Variants in KCNC2 observed in about 807,000 individuals in gnomAD.
The protein encoded by KCNC2 is voltage-gated potassium channel KCNC2.
In KCNC2, 21 loss-of-function variants were observed where a neutral mutation model predicts 44.5. That is an observed-to-expected ratio of 0.47 (90% CI 0.33 to 0.68). The LOEUF (loss-of-function observed/expected upper bound fraction) is 0.68, where lower values mean the gene tolerates loss of function less well. Ranked by LOEUF, KCNC2 falls within the 30% of genes least tolerant of loss-of-function variation. The probability of loss-of-function intolerance (pLI) is 0.01; values close to 1 mark genes in which losing one functional copy is unlikely to be tolerated. For missense variants in KCNC2, 589 were observed against 826.2 expected (o/e 0.71, Z 3.52); for synonymous variants, 391 against 339.1 (o/e 1.15, Z -1.68).
intron 2 of KCNC2, among the ~76,000 whole-genome samples, chr12:75,178,731 A>G (rs1237762575): frequency 6.6e-6 from 1 of 152,074 alleles, no homozygotes; most frequent in Non-Finnish European, 1.5e-5. Flanking sequence ...ACACATGAAA[A>G]CATTCAAAAC....
intron 2 of KCNC2, among the ~76,000 whole-genome samples, chr12:75,100,170 C>T (rs765231456): frequency 7.2e-5 from 11 of 151,946 alleles, no homozygotes; most frequent in Non-Finnish European, 1.3e-4. Context: ...AAATAGTAGG[C>T]GAGTTCTATA....
intron 2 of KCNC2, among the ~76,000 whole-genome samples, chr12:75,130,199 A>C (rs1817143893): frequency 1.3e-5 from 2 of 152,150 alleles, no homozygotes; most frequent in African/African-American, 4.8e-5. Context: ...ATTTCATATA[A>C]TTTTATAAAG....
At position 75,040,769 on chromosome 12, in the gene KCNC2, C is replaced by T; in HGVS notation, c.*2336G>A. 1 of 203,502 alleles carries T rather than the reference C, an allele frequency of 4.9e-6. No homozygotes were observed. Among genetic ancestry groups the T allele is most frequent in the Non-Finnish European group, 9.9e-6 (1 of 100,676 alleles). 12.6% of individuals were successfully genotyped at this position (203,502 alleles called of 1,614,324 possible). On this transcript the variant is annotated 3_prime_UTR_variant, in exon 5 of 5. Coordinates refer to ENST00000549446, the MANE Select transcript of KCNC2 (RefSeq NM_139137.4). Reference sequence around the variant, plus strand: ...GAAGTAGAAATAAGGGAAATTAAGACAAAACTATACTACATCAGTATCACT... The same window carrying T: ...GAAGTAGAAATAAGGGAAATTAAGATAAAACTATACTACATCAGTATCACT...
chr12:75,053,139 C>T (rs1233645781), intron 2 of KCNC2, among the ~76,000 whole-genome samples: 1 of 152,068 alleles, frequency 6.6e-6, no homozygotes, highest in Non-Finnish European at 1.5e-5. Flanking sequence ...AATCAGTTAT[C>T]CTCTATTCAT....
intron 2 of KCNC2, among the ~76,000 whole-genome samples, chr12:75,177,434 C>T (rs904584181): frequency 6.6e-6 from 1 of 151,862 alleles, no homozygotes; most frequent in Non-Finnish European, 1.5e-5. Flanking sequence ...AGGTAAGATG[C>T]TTTCAGCCAC....
chr12:75,176,422 G>A (rs565159519), intron 2 of KCNC2, among the ~76,000 whole-genome samples: 23 of 151,986 alleles, frequency 1.5e-4, no homozygotes, highest in African/African-American at 5.5e-4. Flanking sequence ...CTAAATCAGA[G>A]TAAAAGTTGA....
At chr12:75,152,315 G>GA (rs1890458684) in intron 2 of KCNC2, among the ~76,000 whole-genome samples, 1 of 150,830 alleles carries the variant, frequency 6.6e-6, no homozygotes, top group Non-Finnish European at 1.5e-5. Flanking sequence ...TAAAATCAAC[G>GA]AAAAAGAAAA....
chr12:75,153,603 T>C (rs1890557335), intron 2 of KCNC2, among the ~76,000 whole-genome samples: 1 of 151,566 alleles, frequency 6.6e-6, no homozygotes, highest in African/African-American at 2.4e-5. Context: ...GCACTTTGTA[T>C]CCCCTAAATC....
At chr12:75,082,858 A>C (rs1241882901) in intron 2 of KCNC2, among the ~76,000 whole-genome samples, 1 of 151,790 alleles carries the variant, frequency 6.6e-6, no homozygotes, top group African/African-American at 2.4e-5. Flanking sequence ...AGATGGAGAT[A>C]CCTATAGAGA....
Position 75,206,149 on chromosome 12 carries a change from T to C in KCNC2, c.687+1148A>G, listed in dbSNP as rs142070721. 3.7e-3 allele frequency among the ~76,000 whole-genome samples: 570 copies of C among 152,304 alleles called. 1 individual carries two copies. Among genetic ancestry groups the C allele is most frequent in the African/African-American group, 0.013 (536 of 41,560 alleles). On this transcript the variant is annotated intron_variant, in intron 2 of 4. Coordinates refer to ENST00000549446, the MANE Select transcript of KCNC2 (RefSeq NM_139137.4). ...ATAACGTCTCAGATGCAGACACTTC[T>C]GACATACAGAGGAAGAAAATAATGA...
chr12:75,101,210 T>C (rs1243507106), intron 2 of KCNC2, among the ~76,000 whole-genome samples: 1 of 152,064 alleles, frequency 6.6e-6, no homozygotes, highest in African/African-American at 2.4e-5. Context: ...CATATATCCA[T>C]TCAAAAAACC....
At chr12:75,043,399 TGAA>T (rs1413677481) in intron 4 of KCNC2, 158 bp from the exon 5 acceptor site, 1 of 1,392,244 alleles carries the variant, frequency 7.2e-7, no homozygotes, top group African/African-American at 1.5e-5. Context: ...TCTAAAAAAA[TGAA>T]GCTCACTGTA....
At chr12:75,122,031 T>C (rs1888082379) in intron 2 of KCNC2, among the ~76,000 whole-genome samples, 1 of 152,080 alleles carries the variant, frequency 6.6e-6, no homozygotes, top group African/African-American at 2.4e-5. Flanking sequence ...TATTAGACCA[T>C]ACAGTGACCT....
chr12:75,083,968 G>A (rs558014884), intron 2 of KCNC2, among the ~76,000 whole-genome samples: 55 of 151,996 alleles, frequency 3.6e-4, no homozygotes, highest in African/African-American at 1.3e-3. Context: ...CTTCTATGAA[G>A]TGGATTGTGA....
At chr12:75,183,848 G>A (rs73187126) in intron 2 of KCNC2, among the ~76,000 whole-genome samples, 3,342 of 152,104 alleles carry the variant, frequency 0.022, 50 homozygotes, top group South Asian at 0.054. Flanking sequence ...GTGGCTCACC[G>A]GGTCCTCCAC....
Position 75,207,176 on chromosome 12 carries a change from A to C in KCNC2, c.687+121T>G. The C allele has an allele frequency of 6.9e-7, 1 of 1,443,892 alleles. No individual in the cohort carries two copies. Among genetic ancestry groups the C allele is most frequent in the Non-Finnish European group, 9.1e-7 (1 of 1,097,360 alleles). The allele number at this position is 1,443,892 out of a possible 1,614,324, so 89.4% of individuals were successfully genotyped here. A position where few individuals can be genotyped will look rare whatever the true frequency, so the allele number is the denominator to read the frequency against. Reference sequence around the variant, plus strand: ...AGGATGAGCCTCTAACTGTATCGCTAGGAAATCCCGGGTCTCTTCTACCCC... The same window carrying C: ...AGGATGAGCCTCTAACTGTATCGCTCGGAAATCCCGGGTCTCTTCTACCCC... On this transcript the variant is annotated intron_variant, in intron 2 of 4. Transcript: ENST00000549446. The surrounding 1 kb of genome is among the most constrained non-coding windows in gnomAD (Gnocchi z 4.1).
intron 2 of KCNC2, among the ~76,000 whole-genome samples, chr12:75,070,583 C>A (rs1386549576): frequency 6.6e-6 from 1 of 151,970 alleles, no homozygotes; most frequent in Non-Finnish European, 1.5e-5. Flanking sequence ...ACCTGCATTG[C>A]CATTTCATCT....
At chr12:75,103,342 G>A (rs186118447) in intron 2 of KCNC2, among the ~76,000 whole-genome samples, 83 of 152,218 alleles carry the variant, frequency 5.5e-4, no homozygotes, top group African/African-American at 1.1e-3. Flanking sequence ...TGTGTCATCC[G>A]TTTCTTGAAG....
chr12:75,051,253 T>C lies in KCNC2; in HGVS notation c.752A>G (p.His251Arg). ...GTTTTTAACAATATTGAAAGCTTCA[T>C]GTGTTTCCAGGCAAAAAGTTGTAAT... ...VSITTFCLETHEAFNIVKNKT... is the reference protein window; with the variant it reads ...VSITTFCLETREAFNIVKNKT... Residue 251 changes from histidine to arginine, a missense_variant, in exon 3 of 5, where the codon CAT becomes CGT. His to Arg is a conservative substitution (Grantham distance 29, BLOSUM62 0). Coordinates refer to ENST00000549446, the MANE Select transcript of KCNC2 (RefSeq NM_139137.4). 1 of 1,603,770 alleles carries C rather than the reference T, an allele frequency of 6.2e-7. No homozygotes were observed. The highest frequency in any genetic ancestry group is 8.5e-7 in the Non-Finnish European group (1 of 1,171,632).
Sources: allele counts gnomAD v4.1 joint callset (sites outside exome capture counted in the v4.1 genomes callset), GRCh38; gene constraint gnomAD v4.1.1; non-coding constraint Gnocchi (gnomAD v3.1); transcripts MANE v1.5; gene names NCBI Gene and HGNC (gene_info 2026-07-23, HGNC 2026-07-21).